Variants in CCDC171 observed in about 807,000 individuals in gnomAD.
The protein encoded by CCDC171 is coiled-coil domain-containing protein 171.
In CCDC171, 177 loss-of-function variants were observed where a neutral mutation model predicts 168.2. The observed-to-expected ratio is 1.05, with a 90% CI of 0.93 to 1.19. The LOEUF (loss-of-function observed/expected upper bound fraction) is 1.19. Ranked by LOEUF, CCDC171 falls within the 50% of genes most tolerant of loss-of-function variation. CCDC171 has a pLI of 0.00. For synonymous variants in CCDC171, 687 were observed against 540.8 expected (o/e 1.27, Z -3.75); for missense variants, 1,991 against 1,539.0 (o/e 1.29, Z -4.91).
chr9:15,730,376 G>GT (rs2054079444), intron 16 of CCDC171, among the ~76,000 whole-genome samples: 1 of 151,850 alleles, frequency 6.6e-6, no homozygotes, highest in Admixed American at 6.6e-5. Context: ...ACATAACCAT[G>GT]TATTTTTTCT....
chr9:15,948,889 T>C (rs967816009), intron 25 of CCDC171, among the ~76,000 whole-genome samples: 1 of 152,092 alleles, frequency 6.6e-6, no homozygotes, highest in East Asian at 1.9e-4. Flanking sequence ...AGACATGAAG[T>C]CCTTGCCCAT....
intron 8 of CCDC171, among the ~76,000 whole-genome samples, chr9:15,665,380 A>G (rs762677499): frequency 1.3e-5 from 2 of 152,246 alleles, no homozygotes; most frequent in Non-Finnish European, 2.9e-5. Flanking sequence ...TCACTTTTCT[A>G]TAGTAAGAAA....
At position 15,778,645 on chromosome 9, in the gene CCDC171, A is replaced by AAAAAAAAG. The variant is rs1446301330; in HGVS notation, c.2899-316_2899-315insGAAAAAAA. ...TGGCCTACAGAGTAAGACTGTCTCA[A>AAAAAAAAG]AAAAAAAAAAAAAAAAAAAAGGCAT... On this transcript the variant is annotated intron_variant, in intron 19 of 25. Transcript: ENST00000380701. 3.9e-5 allele frequency among the ~76,000 whole-genome samples: 5 copies of AAAAAAAAG among 129,414 alleles called. 1 individual carries two copies. Among genetic ancestry groups the AAAAAAAAG allele is most frequent in the Non-Finnish European group, 6.9e-5 (4 of 57,850 alleles). The allele number at this position is 129,414 out of a possible 152,430, so 84.9% of individuals were successfully genotyped here.
At chr9:15,599,762 C>T (rs2042682215) in intron 6 of CCDC171, among the ~76,000 whole-genome samples, 1 of 152,176 alleles carries the variant, frequency 6.6e-6, no homozygotes, top group Non-Finnish European at 1.5e-5. Flanking sequence ...TGGTTCCATT[C>T]TGCCCGTCAC....
At position 15,576,625 on chromosome 9, in the gene CCDC171, C is replaced by T. The variant is rs73410281; in HGVS notation, c.178-2224C>T. The stretch of plus-strand genomic sequence containing the variant: ...GCCAGGAAAGTGCTAGTATTTTGAC[C>T]TTATGAAATGATTGTAGGCTAATGT... On this transcript the variant is annotated intron_variant, in intron 3 of 25. Transcript: ENST00000380701. 6.4e-3 allele frequency among the ~76,000 whole-genome samples: 970 copies of T among 152,250 alleles called. 15 individuals are homozygous for T. The highest frequency in any genetic ancestry group is 0.022 in the African/African-American group (911 of 41,532).
intron 25 of CCDC171, among the ~76,000 whole-genome samples, chr9:15,924,878 G>C (rs1309575574): frequency 6.6e-6 from 1 of 151,394 alleles, no homozygotes; most frequent in African/African-American, 2.4e-5. Flanking sequence ...CAGGTCTTTA[G>C]CTACTCCTTT....
chr9:15,878,728 A>G (rs1480032381), intron 24 of CCDC171, among the ~76,000 whole-genome samples: 1 of 151,316 alleles, frequency 6.6e-6, no homozygotes, highest in Non-Finnish European at 1.5e-5. Flanking sequence ...GACTCAACCT[A>G]AATGTCCATC....
At chr9:15,822,848 G>T (rs931380997) in intron 21 of CCDC171, among the ~76,000 whole-genome samples, 1 of 152,006 alleles carries the variant, frequency 6.6e-6, no homozygotes, top group Non-Finnish European at 1.5e-5. Flanking sequence ...TATACCCAAA[G>T]GATTATAAAT....
the CCDC171 span, among the ~76,000 whole-genome samples, chr9:16,093,956 C>G: frequency 6.6e-6 from 1 of 152,188 alleles, no homozygotes; most frequent in Non-Finnish European, 1.5e-5. Flanking sequence ...GAGTGCTCCC[C>G]GTTGGCCATG....
chr9:15,990,530 T>C (rs1016875403), intron 3 of CCDC171, among the ~76,000 whole-genome samples: 2 of 152,098 alleles, frequency 1.3e-5, no homozygotes, highest in African/African-American at 4.8e-5. Context: ...ACGAGCAAAA[T>C]GACCAGCTAA....
chr9:16,037,930 A>G (rs1833502684), upstream of CCDC171, among the ~76,000 whole-genome samples: 1 of 152,182 alleles, frequency 6.6e-6, no homozygotes, highest in South Asian at 2.1e-4. Context: ...CTAAAAGATA[A>G]ATATCATAAG....
intron 18 of CCDC171, among the ~76,000 whole-genome samples, chr9:15,767,312 C>T (rs1019369178): frequency 8.5e-5 from 13 of 152,204 alleles, no homozygotes; most frequent in Non-Finnish European, 1.6e-4. Flanking sequence ...TAGAAGCCAT[C>T]TGCTTTCCTT....
chr9:15,603,570 C>T (rs2043015790), intron 6 of CCDC171, among the ~76,000 whole-genome samples: 1 of 152,132 alleles, frequency 6.6e-6, no homozygotes, highest in South Asian at 2.1e-4. Context: ...CATGTCCCTG[C>T]AAAAGACATG....
intron 24 of CCDC171, among the ~76,000 whole-genome samples, chr9:15,903,262 C>G (rs1821982897): frequency 1.3e-5 from 2 of 152,110 alleles, no homozygotes; most frequent in South Asian, 4.1e-4. Context: ...CCCGAGTAGC[C>G]TAACTGGGAG....
chr9:15,634,099 G>A (rs201607292), intron 7 of CCDC171, among the ~76,000 whole-genome samples: 23 of 151,836 alleles, frequency 1.5e-4, no homozygotes, highest in African/African-American at 3.6e-4. Context: ...TGGGTGCAGC[G>A]CACCAGCATG....
At chr9:15,683,762 A>G (rs2050194711) in intron 10 of CCDC171, among the ~76,000 whole-genome samples, 1 of 152,070 alleles carries the variant, frequency 6.6e-6, no homozygotes, top group African/African-American at 2.4e-5. Context: ...TCACCTGGGA[A>G]AAATAAAATG....
rs117972729 is a variant in CCDC171 at position 15,981,182 on chromosome 9, A to G, written n.369-39407A>G. On this transcript the variant is annotated intron_variant and non_coding_transcript_variant, in intron 3 of 9. Transcript: ENST00000486641. ...CACAGCTAAACCATATCAAAACCCT[A>G]ACCCCCAATGTGATAATATTTTGAT... is the stretch of plus-strand genomic sequence containing the variant. 2.2e-3 allele frequency among the ~76,000 whole-genome samples: 336 copies of G among 152,246 alleles called. 11 individuals carry two copies. In the East Asian group the frequency reaches 0.043, roughly 20 times the overall value.
chr9:15,673,772 G>A (rs192085673), intron 9 of CCDC171, among the ~76,000 whole-genome samples: 3 of 152,196 alleles, frequency 2.0e-5, no homozygotes, highest in East Asian at 1.9e-4. Context: ...GAGGATTTTC[G>A]CATCGATGTT....
downstream of CCDC171, among the ~76,000 whole-genome samples, chr9:16,064,700 C>G (rs976426223): frequency 1.3e-5 from 2 of 152,222 alleles, no homozygotes; most frequent in Non-Finnish European, 2.9e-5. Flanking sequence ...TTATTCACCT[C>G]TTATCATCTT....
Sources: gnomAD v4.1 joint callset for allele counts (sites outside exome capture counted in the v4.1 genomes callset) on GRCh38, gnomAD v4.1.1 for gene constraint, MANE v1.5 for transcripts, NCBI Gene and HGNC (gene_info 2026-07-23, HGNC 2026-07-21) for gene names.